Variants in USP32 observed in about 807,000 individuals in gnomAD.
USP32 encodes ubiquitin carboxyl-terminal hydrolase 32.
A neutral mutation model predicts 204.8 loss-of-function variants in USP32; 59 were observed. The ratio of observed to expected loss-of-function variants is 0.29; its 90% confidence interval spans 0.23 to 0.36. The LOEUF is 0.36. Among genes scored for constraint, USP32 ranks in the 10% least tolerant of loss-of-function variants. USP32 has a pLI of 1.00. For missense variants in USP32, 1,160 were observed against 1,946.4 expected (o/e 0.60, Z 7.60); for synonymous variants, 517 against 678.4 (o/e 0.76, Z 3.70).
intron 5 of USP32, among the ~76,000 whole-genome samples, chr17:60,277,845 T>C (rs535730405): frequency 2.0e-5 from 3 of 152,164 alleles, no homozygotes; most frequent in East Asian, 1.9e-4. Context: ...AGAATAGATA[T>C]ATGTTTTCTT....
chr17:60,225,993 CA>C (rs1396488703), intron 13 of USP32, 45 bp downstream of exon 13: 2 of 1,499,886 alleles, frequency 1.3e-6, no homozygotes, highest in South Asian at 1.3e-5. Flanking sequence ...AAGACCTATC[CA>C]GGGGGAATAA....
intron 12 of USP32, among the ~76,000 whole-genome samples, chr17:60,235,902 C>G (rs2085711670): frequency 1.3e-5 from 2 of 151,984 alleles, no homozygotes; most frequent in South Asian, 4.2e-4. Flanking sequence ...ACCCCCGTAC[C>G]CAATATTATC....
intron 12 of USP32, among the ~76,000 whole-genome samples, chr17:60,234,009 G>A (rs1168781765): frequency 6.6e-6 from 1 of 152,032 alleles, no homozygotes; most frequent in Non-Finnish European, 1.5e-5. Flanking sequence ...GAGTGTAGTG[G>A]TGTGATCATG....
intron 17 of USP32, among the ~76,000 whole-genome samples, chr17:60,213,945 GTT>G (rs1318250567): frequency 1.4e-5 from 2 of 139,598 alleles, no homozygotes; most frequent in Non-Finnish European, 3.2e-5. Flanking sequence ...TTTGTTTTTT[GTT>G]TTTTTTTTTT....
chr17:60,383,267 C>T (rs2089677212), intron 1 of USP32, among the ~76,000 whole-genome samples: 1 of 149,454 alleles, frequency 6.7e-6, no homozygotes, highest in African/African-American at 2.4e-5. Context: ...TAAGCACAAA[C>T]TTTTTAAAAG....
chr17:60,282,097 C>A (rs2086980789), intron 5 of USP32, among the ~76,000 whole-genome samples: 1 of 152,124 alleles, frequency 6.6e-6, no homozygotes, highest in African/African-American at 2.4e-5. Context: ...TTTCTTCAGG[C>A]TTTTACCACA....
intron 9 of USP32, among the ~76,000 whole-genome samples, chr17:60,263,553 A>G (rs1476316733): frequency 6.6e-6 from 1 of 152,240 alleles, no homozygotes; most frequent in African/African-American, 2.4e-5. Context: ...TTTAATGTTC[A>G]CAGAAGAGCC....
intron 24 of USP32, 62 bp from the exon 25 acceptor site, chr17:60,207,194 T>A: frequency 6.5e-7 from 1 of 1,540,128 alleles, no homozygotes; most frequent in Non-Finnish European, 8.7e-7. Context: ...AAAAGTTCTC[T>A]CTCTAACATA....
At chr17:60,345,784 T>A (rs915867451) in intron 1 of USP32, among the ~76,000 whole-genome samples, 176 bp from the exon 2 acceptor site, 1 of 151,946 alleles carries the variant, frequency 6.6e-6, no homozygotes, top group Admixed American at 6.6e-5. Context: ...GAGTTCAAGA[T>A]CAGCCTGGAC....
chr17:60,389,999 A>G (rs894207593), intron 1 of USP32, among the ~76,000 whole-genome samples: 2 of 152,182 alleles, frequency 1.3e-5, no homozygotes, highest in Admixed American at 1.3e-4. Flanking sequence ...CCTGGGCAAC[A>G]GAGCAAGACT....
rs1053535 is a variant in USP32, at chr17:60,177,695, C to G, written c.*1560G>C. Among the ~76,000 whole-genome samples, 4 of 152,194 alleles carry G rather than the reference C, an allele frequency of 2.6e-5. No homozygotes were observed. On this transcript the variant is annotated 3_prime_UTR_variant, in exon 34 of 34. Coordinates refer to ENST00000300896, the MANE Select transcript of USP32 (RefSeq NM_032582.4). ...AGACAATTTAGGCCAGTCCTACCTACTTGCAATTATATTTTTTCTGAAAAG... is the reference window on the plus strand; with the variant it reads ...AGACAATTTAGGCCAGTCCTACCTAGTTGCAATTATATTTTTTCTGAAAAG...
rs1337701989 is a variant in USP32 at position 60,178,581 on chromosome 17, C to A, written c.*674G>T. On this transcript the variant is annotated 3_prime_UTR_variant, in exon 34 of 34. Transcript: ENST00000300896. ...CACAAGGCTCTGGGTGGAAGGCACA[C>A]AGCTCTTAAGAGAGCCTCCCTTTCA... 1.3e-5 allele frequency among the ~76,000 whole-genome samples: 2 copies of A among 152,230 alleles called. No homozygotes were observed. The highest frequency in any genetic ancestry group is 2.9e-5 in the Non-Finnish European group (2 of 68,044).
intron 1 of USP32, among the ~76,000 whole-genome samples, chr17:60,356,262 C>G (rs1598281002): frequency 6.6e-6 from 1 of 151,968 alleles, no homozygotes; most frequent in East Asian, 1.9e-4. Context: ...AGAGGTTAAC[C>G]AAAAAACATG....
At chr17:60,266,629 C>T (rs2086599035) in intron 7 of USP32, among the ~76,000 whole-genome samples, 1 of 147,160 alleles carries the variant, frequency 6.8e-6, no homozygotes, top group Admixed American at 6.9e-5. Context: ...GCTGGGATTA[C>T]AGGAGCACAC....
In USP32 at chr17:60,236,250, C is replaced by A. The variant is rs774852354; in HGVS notation, c.1137-10G>T. On this transcript the variant is annotated splice_polypyrimidine_tract_variant and intron_variant, in intron 11 of 33. Transcript: ENST00000300896. ...TCGTTCTAACCATCCTCTGTATGTA[C>A]AAAAGAAATTAAATACATCAAACAA... 12 of 1,606,860 alleles carry A rather than the reference C, an allele frequency of 7.5e-6. No homozygotes were observed. The highest frequency in any genetic ancestry group is 2.7e-5 in the African/African-American group (2 of 74,682).
chr17:60,193,555 C>T (rs2084439275), intron 27 of USP32, among the ~76,000 whole-genome samples: 1 of 152,166 alleles, frequency 6.6e-6, no homozygotes, highest in African/African-American at 2.4e-5. Context: ...ATTATCAAAA[C>T]ATAAGCTGTA....
intron 3 of USP32, among the ~76,000 whole-genome samples, chr17:60,300,834 A>G (rs747871997): frequency 3.9e-5 from 6 of 152,220 alleles, no homozygotes; most frequent in Non-Finnish European, 8.8e-5. Context: ...ACCCATTAGC[A>G]GTTGTTCTCC....
rs552069633 is a variant in USP32, at chr17:60,209,684, T to A, written c.2425-141A>T. 6.9e-4 allele frequency: 476 copies of A among 688,438 alleles called. 3 individuals are homozygous for A. In the African/African-American group the frequency reaches 8.6e-3, roughly 12 times the overall value. 42.6% of individuals were successfully genotyped at this position (688,438 alleles called of 1,614,324 possible). ...TGCCTCTATTTCAACAAATATATTTTGGATAATCATGAAATCTTTTGAATC... is the reference window on the plus strand; with the variant it reads ...TGCCTCTATTTCAACAAATATATTTAGGATAATCATGAAATCTTTTGAATC... On this transcript the variant is annotated intron_variant, in intron 21 of 33. Transcript: ENST00000300896.
At chr17:60,333,480 G>A (rs569746608) in intron 2 of USP32, among the ~76,000 whole-genome samples, 3 of 152,180 alleles carry the variant, frequency 2.0e-5, no homozygotes, top group East Asian at 3.9e-4. Context: ...TGCTCCTGTA[G>A]TCCCAGCTAC....
Sources: gnomAD v4.1 joint callset for allele counts (sites outside exome capture counted in the v4.1 genomes callset) on GRCh38, gnomAD v4.1.1 for gene constraint, MANE v1.5 for transcripts, NCBI Gene and HGNC (gene_info 2026-07-23, HGNC 2026-07-21) for gene names.